P2RX6: variants seen among roughly 807,000 people sequenced by gnomAD.
P2RX6 encodes the protein P2X purinoceptor 6.
P2RX6 carries 62 observed loss-of-function variants against 54.2 expected under a neutral mutation model. The ratio of observed to expected loss-of-function variants is 1.14; its 90% CI spans 0.93 to 1.41. The LOEUF is 1.41. P2RX6 is among the 40% of genes most tolerant of loss of function. P2RX6 has a pLI of 0.00. For missense variants in P2RX6, 541 were observed against 566.3 expected (o/e 0.96, Z 0.45); for synonymous variants, 211 against 231.9 (o/e 0.91, Z 0.82).
chr22:21,016,940 T>G (rs1221368260), intron 2 of P2RX6, among the ~76,000 whole-genome samples: 2 of 152,152 alleles, frequency 1.3e-5, no homozygotes, highest in African/African-American at 4.8e-5. Flanking sequence ...TTTCCTCTCC[T>G]GGCATGGCCT....
Position 21,015,167 on chromosome 22 carries a change from G to T in P2RX6, c.-8G>T. 2.0e-6 allele frequency: 3 copies of T among 1,482,354 alleles called. No homozygotes were observed. Among genetic ancestry groups the T allele is most frequent in the Non-Finnish European group, 1.8e-6 (2 of 1,117,824 alleles). 91.8% of individuals were successfully genotyped at this position (1,482,354 alleles called of 1,614,324 possible). A position where few individuals can be genotyped will look rare whatever the true frequency, so the allele number is the denominator to read the frequency against. On this transcript the variant is annotated 5_prime_UTR_variant, in exon 1 of 12. An upstream start codon of the reference 5' UTR is lost. Transcript: ENST00000413302. ...GTTCAGCTGCGGCTGCAGCTGCCAT[G>T]CTGACTCATGTGCCCGCAGCTAGCA...
chr22:21,013,790 T>C (rs1167484528), upstream of P2RX6: 2 of 152,298 alleles, frequency 1.3e-5, no homozygotes, highest in African/African-American at 4.8e-5. Context: ...ACCTGTGGAT[T>C]GGGAAAACCC....
At position 21,026,753 on chromosome 22, in the gene P2RX6, C is replaced by T; in HGVS notation, c.*136C>T. ...CCCCAGCAGACAGTCCCTCCCCTGACTCCCACCTTGGTAGGGTGCTGCCTC... is the reference window on the plus strand; with the variant it reads ...CCCCAGCAGACAGTCCCTCCCCTGATTCCCACCTTGGTAGGGTGCTGCCTC... On this transcript the variant is annotated 3_prime_UTR_variant, in exon 12 of 12. Coordinates refer to ENST00000413302, the MANE Select transcript of P2RX6 (RefSeq NM_005446.5). The surrounding 1 kb of genome is among the most constrained non-coding windows in gnomAD (Gnocchi z 4.0). 1 of 1,439,018 alleles carries T rather than the reference C, an allele frequency of 6.9e-7. No homozygotes were observed. The highest frequency in any genetic ancestry group is 1.5e-5 in the South Asian group (1 of 67,842). The allele number at this position is 1,439,018 out of a possible 1,614,324, so 89.1% of individuals were successfully genotyped here.
chr22:21,014,810 CT>C (rs1443645674), upstream of P2RX6, among the ~76,000 whole-genome samples: 3 of 152,168 alleles, frequency 2.0e-5, no homozygotes. Flanking sequence ...GAGGTCACTT[CT>C]TCCGGAAGCT....
chr22:21,022,853 A>G (rs1379782045), intron 4 of P2RX6, 89 bp from the exon 5 acceptor site: 4 of 1,488,290 alleles, frequency 2.7e-6, no homozygotes, highest in Non-Finnish European at 3.7e-6. Flanking sequence ...CTGTCCCTGC[A>G]TCTCTCTTTC....
chr22:21,020,436 AG>A (rs1927148566), intron 3 of P2RX6, among the ~76,000 whole-genome samples: 1 of 152,044 alleles, frequency 6.6e-6, no homozygotes, highest in Non-Finnish European at 1.5e-5. Context: ...CCGCTGGGCC[AG>A]GGGGCTAGCT....
In P2RX6 at chr22:21,023,502, T is replaced by C; in HGVS notation, c.781-7T>C. The C allele has an allele frequency of 1.2e-6, 2 of 1,613,714 alleles. No homozygotes were observed. The highest frequency in any genetic ancestry group is 1.7e-6 in the Non-Finnish European group (2 of 1,179,680). Reference sequence around the variant, plus strand: ...CCACCGGTGGAAAAGCTATGTGCTATGTGCAGGGTGGCTCTGTAGGCATCA... The same window carrying C: ...CCACCGGTGGAAAAGCTATGTGCTACGTGCAGGGTGGCTCTGTAGGCATCA... On this transcript the variant is annotated splice_polypyrimidine_tract_variant and splice_region_variant and intron_variant, in intron 7 of 11. Transcript: ENST00000413302.
In P2RX6 at chr22:21,022,689, C is replaced by A; in HGVS notation, c.401C>A (p.Pro134Gln). The change falls in exon 4 of 12, where the codon CCA becomes CAA. Residue 134 changes from proline to glutamine, a missense_variant. By Grantham distance (76) the Pro-to-Gln change is moderately conservative. Coordinates refer to ENST00000413302, the MANE Select transcript of P2RX6 (RefSeq NM_005446.5). ...QGRCPEHPSV[P>Q]LANCWVDEDC... ...CTCCCACCTCAGCACCCGTCCGTCC[C>A]ACTGGCTAACTGCTGGGTCGACGAG... 6.4e-7 allele frequency: 1 copy of A among 1,568,200 alleles called. No homozygotes were observed. The highest frequency in any genetic ancestry group is 8.6e-7 in the Non-Finnish European group (1 of 1,158,518).
At position 21,019,743 on chromosome 22, in the gene P2RX6, A is replaced by G. The variant is rs548499873; in HGVS notation, c.387+1683A>G. Among the ~76,000 whole-genome samples, 5 of 152,400 alleles carry G rather than the reference A, an allele frequency of 3.3e-5. No individual in the cohort carries two copies. In the East Asian group the frequency reaches 9.6e-4, roughly 29 times the overall value. On this transcript the variant is annotated intron_variant, in intron 3 of 11. Coordinates refer to ENST00000413302, the MANE Select transcript of P2RX6 (RefSeq NM_005446.5). The stretch of plus-strand genomic sequence containing the variant: ...GACAGCCTCGAACAGATTTACCCAC[A>G]TATTTATTGACAGCAAGCCAGTGAT...
At chr22:21,017,942 C>A in intron 2 of P2RX6, 47 bp from the exon 3 acceptor site, 1 of 1,264,636 alleles carries the variant, frequency 7.9e-7, no homozygotes, top group Non-Finnish European at 1.2e-6. Flanking sequence ...CCGGCCTTTC[C>A]AGTCAACACG....
At position 21,019,604 on chromosome 22, in the gene P2RX6, C is replaced by T. The variant is rs375294192; in HGVS notation, c.387+1544C>T. On this transcript the variant is annotated intron_variant, in intron 3 of 11. Coordinates refer to ENST00000413302, the MANE Select transcript of P2RX6 (RefSeq NM_005446.5). ...GCTGGGATTACAGGCGTGAGCCTGCCGAGAGCTTGGTCGGGGAGACCTGAA... is the reference window on the plus strand; with the variant it reads ...GCTGGGATTACAGGCGTGAGCCTGCTGAGAGCTTGGTCGGGGAGACCTGAA... 1.1e-4 allele frequency among the ~76,000 whole-genome samples: 16 copies of T among 152,312 alleles called. No homozygotes were observed. The East Asian group carries it at 1.4e-3, about 13-fold the overall frequency.
upstream of P2RX6, chr22:21,012,739 GA>G: frequency 3.2e-6 from 1 of 312,408 alleles, no homozygotes. Context: ...CCCCCACCTG[GA>G]AAGTACCCCC....
At chr22:21,024,990 C>T (rs957767750) in intron 8 of P2RX6, among the ~76,000 whole-genome samples, 3 of 149,294 alleles carry the variant, frequency 2.0e-5, no homozygotes, top group Admixed American at 6.8e-5. Flanking sequence ...AAGCAATTCT[C>T]CTGCCTCAGC....
chr22:21,022,963 T>C lies in P2RX6; in HGVS notation c.485T>C (p.Val162Ala), dbSNP rs748466786. 14 of 1,613,698 alleles carry C rather than the reference T, an allele frequency of 8.7e-6. No individual in the cohort carries two copies. Among genetic ancestry groups the C allele is most frequent in the South Asian group, 4.4e-5 (4 of 91,080 alleles). Residue 162 changes from valine (V) to alanine (A), a missense_variant, in exon 5 of 12, where the codon GTG becomes GCG. By Grantham distance (64) the Val-to-Ala change is moderately conservative. Coordinates refer to ENST00000413302, the MANE Select transcript of P2RX6 (RefSeq NM_005446.5). ...HSHGVKTGQC[V>A]VFNGTHRTCE... ...CTAGGTGTAAAAACAGGCCAGTGTG[T>C]GGTGTTCAATGGGACCCACAGGACC...
chr22:21,025,705 T>G, intron 8 of P2RX6, 100 bp from the exon 9 acceptor site: 1 of 809,266 alleles, frequency 1.2e-6, no homozygotes, highest in Non-Finnish European at 2.0e-6. Context: ...GGGCTGGGGG[T>G]TTATAGAGTC....
intron 6 of P2RX6, 26 bp downstream of exon 6, chr22:21,023,224 C>T (rs748928627): frequency 1.1e-5 from 18 of 1,613,322 alleles, no homozygotes; most frequent in Non-Finnish European, 1.5e-5. Flanking sequence ...CTCATCTGCC[C>T]CAAGACCCTC....
At position 21,023,110 on chromosome 22, in the gene P2RX6, A is replaced by G. The variant is rs754421241; in HGVS notation, c.558-8A>G. On this transcript the variant is annotated splice_region_variant and splice_polypyrimidine_tract_variant and intron_variant, in intron 5 of 11. Coordinates refer to ENST00000413302, the MANE Select transcript of P2RX6 (RefSeq NM_005446.5). Reference sequence around the variant, plus strand: ...TGGCAGAGGCTGTCACCTCCCTTCCACCTGCAGGAGGCCCCTGCTGGCCCA... The same window carrying G: ...TGGCAGAGGCTGTCACCTCCCTTCCGCCTGCAGGAGGCCCCTGCTGGCCCA... 6.2e-7 allele frequency: 1 copy of G among 1,613,246 alleles called. No individual in the cohort carries two copies. The highest frequency in any genetic ancestry group is 1.3e-5 in the African/African-American group (1 of 74,800).
At chr22:21,013,698 AC>A (rs1203158314), upstream of P2RX6, 1 of 152,264 alleles carries the variant, frequency 6.6e-6, no homozygotes, top group Non-Finnish European at 1.5e-5. Context: ...CTGATTGCAG[AC>A]CACAAATGTT....
chr22:21,010,413 T>C (rs1248518417), upstream of P2RX6: 1 of 152,220 alleles, frequency 6.6e-6, no homozygotes, highest in Non-Finnish European at 1.5e-5. Context: ...GACAAACTGC[T>C]TCTCTGGCAG....
Sources: allele counts gnomAD v4.1 joint callset (sites outside exome capture counted in the v4.1 genomes callset), GRCh38; gene constraint gnomAD v4.1.1; non-coding constraint Gnocchi (gnomAD v3.1); transcripts MANE v1.5; gene names NCBI Gene and HGNC (gene_info 2026-07-23, HGNC 2026-07-21).